The following MDP1 variants were observed in gnomAD, a reference collection of about 807,000 sequenced individuals.
MDP1 encodes magnesium dependent phosphatase 1, also known as magnesium-dependent phosphatase 1.
Under a neutral mutation model 21.6 loss-of-function variants are expected in MDP1, and 18 were observed. The ratio of observed to expected loss-of-function variants is 0.83; its 90% CI spans 0.58 to 1.24. The LOEUF (loss-of-function observed/expected upper bound fraction) is 1.24, where lower values mean the gene tolerates loss of function less well. Ranked by LOEUF, MDP1 falls within the 50% of genes most tolerant of loss-of-function variation. The pLI is 0.00. For missense variants in MDP1, 207 were observed against 218.6 expected, an observed-to-expected ratio of 0.95 and a Z score of 0.33; for synonymous variants, 101 against 83.2, an observed-to-expected ratio of 1.21 and a Z score of -1.16.
At chr14:24,214,455 T>A (rs367911559) in intron 4 of MDP1, 37 bp downstream of exon 4, 84 of 1,614,096 alleles carry the variant, frequency 5.2e-5, no homozygotes, top group Non-Finnish European at 6.8e-5. Context: ...GCCTCTCTGA[T>A]ACTTTCTCAC....
chr14:24,215,963 A>G lies in MDP1; in HGVS notation c.-8T>C, dbSNP rs1030435718. 7 of 1,614,104 alleles carry G rather than the reference A, an allele frequency of 4.3e-6. No homozygotes were observed. In the Admixed American group the frequency reaches 1.0e-4, roughly 23 times the overall value. On this transcript the variant is annotated 5_prime_UTR_variant, in exon 1 of 6. Coordinates refer to ENST00000288087, the MANE Select transcript of MDP1 (RefSeq NM_138476.4). ...CTTCGGTAGCCGCGCCATGACCCGC[A>G]CCGCAGGCTGCGCGCAGCAGAGGTG...
chr14:24,215,511 C>G (rs1422421497), intron 3 of MDP1, 41 bp downstream of exon 3: 1 of 1,603,756 alleles, frequency 6.2e-7, no homozygotes, highest in Admixed American at 1.7e-5. Context: ...TTGCATGCAC[C>G]CTTCAGCATT....
chr14:24,215,025 A>G (rs1277071510), intron 3 of MDP1, among the ~76,000 whole-genome samples: 2 of 131,044 alleles, frequency 1.5e-5, no homozygotes, highest in African/African-American at 2.9e-5. Flanking sequence ...TGATCCTCCC[A>G]CCTAGGCCTC....
rs774770373 is a variant in MDP1, at chr14:24,215,924, T to C, written c.32A>G (p.Asp11Gly). 6.5e-5 allele frequency: 105 copies of C among 1,613,950 alleles called. No individual in the cohort carries two copies. Among genetic ancestry groups the C allele is most frequent in the Non-Finnish European group, 8.2e-5 (97 of 1,179,994 alleles). The change falls in exon 1 of 6, where the codon GAT (aspartate) becomes GGT (glycine). Residue 11 changes from aspartate to glycine, a missense_variant. Asp to Gly is a moderately conservative substitution (Grantham distance 94). Coordinates refer to ENST00000288087, the MANE Select transcript of MDP1 (RefSeq NM_138476.4). Reference protein sequence around the residue: MARLPKLAVFDLDYTLWPFWV... With the variant: MARLPKLAVFGLDYTLWPFWV... Reference sequence around the variant, plus strand: ...CTCCCCTTCCCGTCCCTCACCCAAATCAAAGACTGCCAGCTTCGGTAGCCG... The same window carrying C: ...CTCCCCTTCCCGTCCCTCACCCAAACCAAAGACTGCCAGCTTCGGTAGCCG...
chr14:24,214,941 A>T (rs1208056954), intron 3 of MDP1, among the ~76,000 whole-genome samples: 11 of 137,042 alleles, frequency 8.0e-5, no homozygotes, highest in Non-Finnish European at 1.1e-4. Flanking sequence ...CGCCACTACA[A>T]TTTTTTTTTT....
At chr14:24,215,892 C>A (rs754660602) in intron 1 of MDP1, 27 bp downstream of exon 1, 1 of 1,614,190 alleles carries the variant, frequency 6.2e-7, no homozygotes, top group Non-Finnish European at 8.5e-7. Flanking sequence ...GAGCACCTTA[C>A]GAAATTCTCC....
chr14:24,215,698 G>A, intron 2 of MDP1, 36 bp from the exon 3 acceptor site: 1 of 1,614,150 alleles, frequency 6.2e-7, no homozygotes, highest in Non-Finnish European at 8.5e-7. Context: ...CCCTGGCTGG[G>A]TCCTATCTCG....
Position 24,214,250 on chromosome 14 carries a change from G to C in MDP1, c.403+60C>G, listed in dbSNP as rs113997187. The C allele has an allele frequency of 6.2e-6, 10 of 1,613,770 alleles. No individual in the cohort carries two copies. In the Admixed American group the frequency reaches 1.3e-4, roughly 22 times the overall value. ...ACCTATAGGGCAAACTATCCAACCT[G>C]TATGTATCTACCTAATCCCTCCTAG... On this transcript the variant is annotated intron_variant, in intron 5 of 5. Transcript: ENST00000288087.
Position 24,215,585 on chromosome 14 carries a change from TGCA to T in MDP1, c.173_175del (p.Leu58_Gln59delinsTer). 6.2e-7 allele frequency: 1 copy of T among 1,614,212 alleles called. No homozygotes were observed. The highest frequency in any genetic ancestry group is 8.5e-7 in the Non-Finnish European group (1 of 1,180,044). ...AGCCGCACCGGGCACCCCAAGGCTC[TGCA>T]ATCGTTTTAGGACCTCAGGCACCTC... On this transcript the variant is annotated stop_gained and inframe_deletion, in exon 3 of 6. Transcript: ENST00000288087. LOFTEE classifies it high-confidence loss of function.
At position 24,215,795 on chromosome 14, in the gene MDP1, A is replaced by T; in HGVS notation, c.40T>A (p.Tyr14Asn). 6.2e-7 allele frequency: 1 copy of T among 1,614,222 alleles called. No individual in the cohort carries two copies. Among genetic ancestry groups the T allele is most frequent in the Middle Eastern group, 1.6e-4 (1 of 6,062 alleles). The part of the protein sequence containing the change: ...LPKLAVFDLD[Y>N]TLWPFWVDTH... ...TCGACCCAGAAAGGCCAGAGAGTGT[A>T]ATCTGCGAGAGGAAGGAGAGGGAAG... The change falls in exon 2 of 6, where the codon TAC becomes AAC. Residue 14 changes from tyrosine (Y) to asparagine (N), a missense_variant and splice_region_variant. By Grantham distance (143) the Tyr-to-Asn change is moderately radical. Transcript: ENST00000288087.
At position 24,215,578 on chromosome 14, in the gene MDP1, A is replaced by C; in HGVS notation, c.183T>G (p.Leu61=). The C allele has an allele frequency of 6.2e-7, 1 of 1,614,136 alleles. No individual in the cohort carries two copies. The highest frequency in any genetic ancestry group is 8.5e-7 in the Non-Finnish European group (1 of 1,180,038). The stretch of plus-strand genomic sequence containing the variant: ...TTGAAGCAGCCGCACCGGGCACCCC[A>C]AGGCTCTGCAATCGTTTTAGGACCT... ...VPEVLKRLQS[L]GVPGAAASRT... is the part of the protein sequence containing the mutation. Residue 61 remains leucine (L), a synonymous_variant, in exon 3 of 6, where the codon CTT becomes CTG. Coordinates refer to ENST00000288087, the MANE Select transcript of MDP1 (RefSeq NM_138476.4).
Position 24,214,342 on chromosome 14 carries a change from T to C in MDP1, c.371A>G (p.Glu124Gly), listed in dbSNP as rs760656021. Residue 124 changes from glutamate to glycine, a missense_variant, in exon 5 of 6, where the codon GAG (glutamate) becomes GGG (glycine). Physicochemically the swap from Glu to Gly is moderately conservative, Grantham distance 98. Transcript: ENST00000288087. ...PFSQMIFFDD[E>G]RRNIVDVSKL... ...GCTGACGTCTACAATATTCCGCCTC[T>C]CATCATCAAAGAAGATCATCTGGGA... 2 of 1,614,196 alleles carry C rather than the reference T, an allele frequency of 1.2e-6. No individual in the cohort carries two copies. The highest frequency in any genetic ancestry group is 1.1e-5 in the South Asian group (1 of 91,086).
At position 24,214,599 on chromosome 14, in the gene MDP1, C is replaced by T; in HGVS notation, c.210G>A (p.Arg70=). 1 of 1,614,176 alleles carries T rather than the reference C, an allele frequency of 6.2e-7. No individual in the cohort carries two copies. Among genetic ancestry groups the T allele is most frequent in the Non-Finnish European group, 8.5e-7 (1 of 1,180,024 alleles). Residue 70 remains arginine, a splice_region_variant and synonymous_variant, in exon 4 of 6, where the codon AGG becomes AGA. Transcript: ENST00000288087. The part of the protein sequence containing the change: ...SLGVPGAAAS[R]TSEIEGANQL... ...GGTTGGCCCCTTCTATCTCACTTGT[C>T]CTGCAAAACGGTGTAAAAGATGGGA...
At position 24,215,782 on chromosome 14, in the gene MDP1, G is replaced by A. The variant is rs752669499; in HGVS notation, c.53C>T (p.Pro18Leu). ...AVFDLDYTLW[P>L]FWVDTHVDPP... ...GTCTACGTGCGTGTCGACCCAGAAA[G>A]GCCAGAGAGTGTAATCTGCGAGAGG... Residue 18 changes from proline (P) to leucine (L), a missense_variant, in exon 2 of 6, where the codon CCT becomes CTT. Coordinates refer to ENST00000288087, the MANE Select transcript of MDP1 (RefSeq NM_138476.4). 1 of 1,614,228 alleles carries A rather than the reference G, an allele frequency of 6.2e-7. No individual in the cohort carries two copies. Among genetic ancestry groups the A allele is most frequent in the Non-Finnish European group, 8.5e-7 (1 of 1,180,038 alleles).
chr14:24,216,054 A>T lies in MDP1; in HGVS notation c.-99T>A. 4 of 1,525,104 alleles carry T rather than the reference A, an allele frequency of 2.6e-6. No individual in the cohort carries two copies. The highest frequency in any genetic ancestry group is 3.6e-6 in the Non-Finnish European group (4 of 1,110,928). The allele number at this position is 1,525,104 out of a possible 1,614,324, so 94.5% of individuals were successfully genotyped here. A position where few individuals can be genotyped will look rare whatever the true frequency, so the allele number is the denominator to read the frequency against. On this transcript the variant is annotated 5_prime_UTR_variant, in exon 1 of 6. An upstream start codon of the reference 5' UTR is lost. Coordinates refer to ENST00000288087, the MANE Select transcript of MDP1 (RefSeq NM_138476.4). ...AGCTAAGGCAGCCACCCTGCCTGCC[A>T]TAGACAAATGGCGACTAGAGCGTCG...
In MDP1 at chr14:24,214,501, T is replaced by C; in HGVS notation, c.308A>G (p.His103Arg). The change falls in exon 4 of 6, where the codon CAC becomes CGC. Residue 103 changes from histidine to arginine, a missense_variant. Coordinates refer to ENST00000288087, the MANE Select transcript of MDP1 (RefSeq NM_138476.4). The part of the protein sequence containing the change: ...REIYPGSKIT[H>R]FERLQQKTGI... ...CCTTATCTCCGCATACCTCTCAAAG[T>C]GTGTGATCTTGCTGCCTGGATAGAT... 1.9e-6 allele frequency: 3 copies of C among 1,614,146 alleles called. No individual in the cohort carries two copies. Among genetic ancestry groups the C allele is most frequent in the Non-Finnish European group, 2.5e-6 (3 of 1,180,018 alleles).
At chr14:24,215,472 T>C (rs1339677807) in intron 3 of MDP1, 80 bp downstream of exon 3, 1 of 1,455,022 alleles carries the variant, frequency 6.9e-7, no homozygotes, top group Non-Finnish European at 9.6e-7. Flanking sequence ...ACCGCCCCTA[T>C]TTTTGTAGAC....
rs1459118090 is a variant in MDP1 at position 24,214,588 on chromosome 14, A to G, written c.221T>C (p.Ile74Thr). 6.2e-7 allele frequency: 1 copy of G among 1,614,096 alleles called. No individual in the cohort carries two copies. Among genetic ancestry groups the G allele is most frequent in the African/African-American group, 1.3e-5 (1 of 74,922 alleles). ...CTCCAGTAGCTGGTTGGCCCCTTCT[A>G]TCTCACTTGTCCTGCAAAACGGTGT... ...PGAAASRTSE[I>T]EGANQLLELF... The change falls in exon 4 of 6, where the codon ATA becomes ACA. Residue 74 changes from isoleucine (I) to threonine (T), a missense_variant. Physicochemically the swap from Ile to Thr is moderately conservative, Grantham distance 89. Coordinates refer to ENST00000288087, the MANE Select transcript of MDP1 (RefSeq NM_138476.4).
chr14:24,215,742 C>T lies in MDP1; in HGVS notation c.93G>A (p.Lys31=), dbSNP rs1419929293. The T allele has an allele frequency of 1.2e-6, 2 of 1,614,192 alleles. No homozygotes were observed. The highest frequency in any genetic ancestry group is 1.3e-5 in the African/African-American group (1 of 75,042). The change falls in exon 2 of 6, where the codon AAG becomes AAA. Residue 31 remains lysine (K), a synonymous_variant. Transcript: ENST00000288087. The stretch of plus-strand genomic sequence containing the variant: ...CTTCCCTGTCCCTACCTCACCTGCT[C>T]TTATGGAACGGAGGGTCTACGTGCG... The part of the protein sequence containing the change: ...VDTHVDPPFH[K]SSDGTVRDRR...
Sources: allele counts gnomAD v4.1 joint callset (sites outside exome capture counted in the v4.1 genomes callset), GRCh38; gene constraint gnomAD v4.1.1; transcripts MANE v1.5; gene names NCBI Gene and HGNC (gene_info 2026-07-23, HGNC 2026-07-21).